BCAS3: variants seen among roughly 807,000 people sequenced by gnomAD.
BCAS3 encodes the protein BCAS4/BCAS3 fusion.
A neutral mutation model predicts 116.1 loss-of-function variants in BCAS3; 53 were observed. The ratio of observed to expected loss-of-function variants is 0.46; its 90% CI spans 0.37 to 0.57. The LOEUF is 0.57. Among genes scored for constraint, BCAS3 ranks in the 20% least tolerant of loss-of-function variants. BCAS3 has a pLI of 0.00. For synonymous variants in BCAS3, 391 were observed against 408.2 expected, an observed-to-expected ratio of 0.96 and a Z score of 0.51; for missense variants, 917 against 1,165.4, an observed-to-expected ratio of 0.79 and a Z score of 3.10.
Position 61,254,517 on chromosome 17 carries a change from G to A in BCAS3, c.2426-113810G>A, listed in dbSNP as rs371298139. Among the ~76,000 whole-genome samples, 6 of 152,060 alleles carry A rather than the reference G, an allele frequency of 3.9e-5. No homozygotes were observed. In the East Asian group the frequency reaches 9.7e-4, roughly 25 times the overall value. ...TTTATGGCGGGGCGCGGTGGCTCACGCCTGTAATCCTGGCACTTTGGGAGG... is the reference window on the plus strand; with the variant it reads ...TTTATGGCGGGGCGCGGTGGCTCACACCTGTAATCCTGGCACTTTGGGAGG... On this transcript the variant is annotated intron_variant, in intron 22 of 23. Coordinates refer to ENST00000407086, the MANE Select transcript of BCAS3 (RefSeq NM_017679.5).
intron 19 of BCAS3, among the ~76,000 whole-genome samples, chr17:61,048,740 G>GA (rs1568222911): frequency 2.0e-5 from 3 of 151,844 alleles, no homozygotes. Flanking sequence ...TCTTCACAGA[G>GA]AAAAAATGCT....
At chr17:61,201,556 G>C (rs142995146) in intron 22 of BCAS3, among the ~76,000 whole-genome samples, 5 of 152,150 alleles carry the variant, frequency 3.3e-5, no homozygotes, top group African/African-American at 1.2e-4. Context: ...TTCTGGCTTA[G>C]ACTATAACAA....
At chr17:61,320,453 G>A (rs568750548) in intron 22 of BCAS3, among the ~76,000 whole-genome samples, 17 of 151,984 alleles carry the variant, frequency 1.1e-4, no homozygotes, top group African/African-American at 3.6e-4. Flanking sequence ...AGGTAGAGGC[G>A]GACAGATTAC....
intron 14 of BCAS3, among the ~76,000 whole-genome samples, chr17:60,984,664 AT>A (rs1156385457): frequency 6.6e-6 from 1 of 152,086 alleles, no homozygotes; most frequent in Non-Finnish European, 1.5e-5. Flanking sequence ...ATTTAAAAAA[AT>A]TTTTTGTGGG....
intron 7 of BCAS3, among the ~76,000 whole-genome samples, chr17:60,825,386 A>G (rs938806685): frequency 6.6e-6 from 1 of 151,284 alleles, no homozygotes; most frequent in African/African-American, 2.4e-5. Context: ...TGCTTTCACC[A>G]CATCTCCGAA....
intron 22 of BCAS3, among the ~76,000 whole-genome samples, chr17:61,096,497 C>T (rs1318566703): frequency 6.6e-6 from 1 of 152,176 alleles, no homozygotes; most frequent in Admixed American, 6.5e-5. Flanking sequence ...GTTGAGGCTA[C>T]AGTGAGCCAA....
At chr17:60,727,280 C>T in intron 5 of BCAS3, 1 of 1,112,698 alleles carries the variant, frequency 9.0e-7, no homozygotes, top group East Asian at 2.4e-5. Flanking sequence ...ACATTCTGGC[C>T]TTAGCACAGT....
chr17:60,707,260 T>A (rs1568062982), intron 4 of BCAS3, among the ~76,000 whole-genome samples: 2 of 152,012 alleles, frequency 1.3e-5, no homozygotes, highest in Non-Finnish European at 2.9e-5. Flanking sequence ...CCCAAAGTGC[T>A]GGGATTACAG....
intron 22 of BCAS3, among the ~76,000 whole-genome samples, chr17:61,166,389 CTCTTTTTTT>C (rs1292390364): frequency 7.3e-3 from 171 of 23,268 alleles, no homozygotes; most frequent in African/African-American, 0.013. Context: ...CTCTCTCTCT[CTCTTTTTTT>C]TTTTTTTTTT....
In BCAS3 at chr17:61,162,094, G is replaced by T. The variant is rs1030282557; in HGVS notation, c.2425+77530G>T. 1.3e-5 allele frequency among the ~76,000 whole-genome samples: 2 copies of T among 152,120 alleles called. No homozygotes were observed. Among genetic ancestry groups the T allele is most frequent in the African/African-American group, 4.8e-5 (2 of 41,422 alleles). On this transcript the variant is annotated intron_variant, in intron 22 of 23. Transcript: ENST00000407086. This position sits in a 1 kb window ranked among gnomAD's most constrained non-coding sequence, Gnocchi z 5.6. ...TATAAAGTTTGATCTGTATGTGGAT[G>T]GTTTTACTACCCCAAATGAAATGTA...
chr17:60,815,253 T>C (rs997715190), intron 7 of BCAS3, among the ~76,000 whole-genome samples: 4 of 151,890 alleles, frequency 2.6e-5, no homozygotes, highest in Admixed American at 6.6e-5. Flanking sequence ...ATGAGAACAC[T>C]TGGACACAGG....
In BCAS3 at chr17:61,332,125, C is replaced by T. The variant is rs978889314; in HGVS notation, c.2426-36202C>T. On this transcript the variant is annotated intron_variant, in intron 22 of 23. Transcript: ENST00000407086. This position sits in a 1 kb window ranked among gnomAD's most constrained non-coding sequence, Gnocchi z 5.4. ...TGCAGAGAGTTGCCACCCAGCCCGCCGGGCTCTGGAGCTGGGCCACGGGCT... is the reference window on the plus strand; with the variant it reads ...TGCAGAGAGTTGCCACCCAGCCCGCTGGGCTCTGGAGCTGGGCCACGGGCT... Among the ~76,000 whole-genome samples, 29 of 152,294 alleles carry T rather than the reference C, an allele frequency of 1.9e-4. No homozygotes were observed. Among genetic ancestry groups the T allele is most frequent in the African/African-American group, 6.7e-4 (28 of 41,564 alleles).
chr17:61,115,242 A>G lies in BCAS3; in HGVS notation c.2425+30678A>G, dbSNP rs184508831. ...AACAAAAGACAAAATTGACAAATGG[A>G]ATCTAATTAAACTAAAGAGCTTCTG... On this transcript the variant is annotated intron_variant, in intron 22 of 23. Coordinates refer to ENST00000407086, the MANE Select transcript of BCAS3 (RefSeq NM_017679.5). Among the ~76,000 whole-genome samples the G allele has an allele frequency of 9.5e-4, 144 of 152,184 alleles. 1 individual carries two copies. The highest frequency in any genetic ancestry group is 1.5e-3 in the Non-Finnish European group (99 of 67,972).
intron 19 of BCAS3, among the ~76,000 whole-genome samples, chr17:61,048,433 A>T (rs1032057818): frequency 2.6e-5 from 4 of 152,046 alleles, no homozygotes; most frequent in Non-Finnish European, 4.4e-5. Flanking sequence ...GCTGTGTTAC[A>T]GTAAGGGAGA....
chr17:61,006,187 T>G (rs538199029), intron 15 of BCAS3, among the ~76,000 whole-genome samples: 1 of 152,298 alleles, frequency 6.6e-6, no homozygotes, highest in Non-Finnish European at 1.5e-5. Flanking sequence ...CTATACTTTT[T>G]ATTCAAGAGA....
intron 7 of BCAS3, among the ~76,000 whole-genome samples, chr17:60,844,470 G>A (rs947907706): frequency 1.3e-5 from 2 of 151,998 alleles, no homozygotes; most frequent in African/African-American, 4.8e-5. Context: ...ACAATTCCCT[G>A]TCTTCCCAGT....
intron 19 of BCAS3, among the ~76,000 whole-genome samples, chr17:61,046,964 G>C (rs1456038985): frequency 6.6e-6 from 1 of 151,902 alleles, no homozygotes; most frequent in South Asian, 2.1e-4. Context: ...TTCCAGCCCA[G>C]TAATCATAAT....
At chr17:61,262,351 A>G (rs2049277606) in intron 22 of BCAS3, among the ~76,000 whole-genome samples, 1 of 151,788 alleles carries the variant, frequency 6.6e-6, no homozygotes, top group Non-Finnish European at 1.5e-5. Flanking sequence ...GACCCACATA[A>G]ATGGACATAA....
chr17:60,920,882 C>CAACAACAACAAA (rs2059043056), intron 12 of BCAS3, among the ~76,000 whole-genome samples: 1 of 67,432 alleles, frequency 1.5e-5, no homozygotes, highest in South Asian at 2.5e-4. Context: ...ACAACAACAA[C>CAACAACAACAAA]AACAACAACA....
Sources: allele counts gnomAD v4.1 joint callset (sites outside exome capture counted in the v4.1 genomes callset), GRCh38; gene constraint gnomAD v4.1.1; non-coding constraint Gnocchi (gnomAD v3.1); transcripts MANE v1.5; gene names NCBI Gene and HGNC (gene_info 2026-07-23, HGNC 2026-07-21).